Variants in SHISA9 observed in about 807,000 individuals in gnomAD.
The protein encoded by SHISA9 is protein shisa-9.
In SHISA9, 13 loss-of-function variants were observed where a neutral mutation model predicts 38.0. That is an observed-to-expected ratio of 0.34 (90% confidence interval 0.22 to 0.54). The LOEUF is 0.54. Among genes scored for constraint, SHISA9 ranks in the 20% least tolerant of loss-of-function variants. The pLI, the probability that SHISA9 is intolerant of heterozygous loss-of-function variation, is 0.91. For missense variants in SHISA9, 538 were observed against 575.8 expected (o/e 0.93, Z 0.67); for synonymous variants, 275 against 242.0 (o/e 1.14, Z -1.27).
At chr16:13,453,203 A>C in the SHISA9 span, among the ~76,000 whole-genome samples, 1 of 152,060 alleles carries the variant, frequency 6.6e-6, no homozygotes, top group African/African-American at 2.4e-5. Flanking sequence ...TAGCTTTTCT[A>C]GCATCCCCAG....
intron 2 of SHISA9, among the ~76,000 whole-genome samples, chr16:13,192,879 AAAAG>A (rs1367850361): frequency 1.3e-5 from 2 of 152,038 alleles, no homozygotes; most frequent in Non-Finnish European, 2.9e-5. Flanking sequence ...CATCTCAAAA[AAAAG>A]AGAAGAAGAA....
At chr16:13,270,671 C>G in the SHISA9 span, among the ~76,000 whole-genome samples, 15 of 152,086 alleles carry the variant, frequency 9.9e-5, no homozygotes, top group Non-Finnish European at 2.2e-4. Flanking sequence ...GCCCAATTAA[C>G]CTAGCTGAAG....
chr16:13,196,087 CAAAAAAAAAAA>C lies in SHISA9; in HGVS notation c.692-7289_692-7279del, dbSNP rs1172680715. Among the ~76,000 whole-genome samples the C allele has an allele frequency of 2.0e-3, 28 of 14,142 alleles. No homozygotes were observed. In the East Asian group the frequency reaches 0.047, roughly 24 times the overall value. The allele number at this position is 14,142 out of a possible 152,430, so 9.3% of individuals were successfully genotyped here. A position where few individuals can be genotyped will look rare whatever the true frequency, so the allele number is the denominator to read the frequency against. ...TGGGGGACAGAGCAAGACTCTCTCT[CAAAAAAAAAAA>C]AAAAAAAAAAAAAAAAAGGCCAGGT... is the stretch of plus-strand genomic sequence containing the variant. On this transcript the variant is annotated intron_variant, in intron 2 of 4. Transcript: ENST00000558583.
chr16:13,076,030 T>C (rs2073577422), intron 2 of SHISA9, among the ~76,000 whole-genome samples: 1 of 108,148 alleles, frequency 9.2e-6, no homozygotes, highest in African/African-American at 4.0e-5. Context: ...GAGAAATAGA[T>C]TTTTTTTTTT....
the SHISA9 span, among the ~76,000 whole-genome samples, chr16:13,326,700 G>A: frequency 1.3e-5 from 2 of 152,138 alleles, no homozygotes; most frequent in African/African-American, 4.8e-5. Flanking sequence ...CAGCGTGGGA[G>A]ATGAAGCAAG....
intron 2 of SHISA9, among the ~76,000 whole-genome samples, chr16:13,017,825 T>C (rs933627752): frequency 1.3e-5 from 2 of 152,222 alleles, no homozygotes; most frequent in African/African-American, 4.8e-5. Flanking sequence ...TAACTGGTGA[T>C]CTACTCAAGT....
At chr16:12,978,990 T>C (rs1032157632) in intron 2 of SHISA9, among the ~76,000 whole-genome samples, 2 of 152,236 alleles carry the variant, frequency 1.3e-5, no homozygotes, top group South Asian at 4.1e-4. Flanking sequence ...AAATGGCTCA[T>C]GATCTGTTTT....
the SHISA9 span, among the ~76,000 whole-genome samples, chr16:13,540,321 T>C: frequency 9.2e-5 from 14 of 152,210 alleles, no homozygotes; most frequent in Admixed American, 2.6e-4. Context: ...CCAAATTCAA[T>C]GCCTGAGGAC....
the SHISA9 span, among the ~76,000 whole-genome samples, chr16:13,367,650 A>AT: frequency 1.9e-4 from 7 of 36,692 alleles, no homozygotes; most frequent in East Asian, 0.014. Flanking sequence ...AGCAAGTAGG[A>AT]TGCGGGGGGG....
At chr16:13,242,130 G>A (rs1443736061), downstream of SHISA9, among the ~76,000 whole-genome samples, 2 of 152,192 alleles carry the variant, frequency 1.3e-5, no homozygotes, top group Admixed American at 1.3e-4. Flanking sequence ...TGGAGATGCT[G>A]TTCAGAGATT....
At chr16:13,072,350 C>T (rs958300289) in intron 2 of SHISA9, among the ~76,000 whole-genome samples, 6 of 152,286 alleles carry the variant, frequency 3.9e-5, no homozygotes, top group African/African-American at 1.2e-4. Context: ...GAGACATGGC[C>T]GGTGGGGCAG....
the SHISA9 span, among the ~76,000 whole-genome samples, chr16:13,286,963 G>T: frequency 3.3e-5 from 5 of 151,916 alleles, no homozygotes; most frequent in African/African-American, 7.3e-5. Context: ...ATGGAGTGTG[G>T]GTATATGATT....
chr16:13,356,220 G>C, the SHISA9 span, among the ~76,000 whole-genome samples: 1 of 152,212 alleles, frequency 6.6e-6, no homozygotes, highest in South Asian at 2.1e-4. Flanking sequence ...TTGAGGGCCG[G>C]AATTTAATTT....
chr16:13,418,538 C>T, the SHISA9 span, among the ~76,000 whole-genome samples: 12 of 152,244 alleles, frequency 7.9e-5, no homozygotes, highest in Middle Eastern at 3.4e-3. Context: ...GCTTCTCCTC[C>T]GTATGACCAC....
chr16:13,496,704 A>AT, the SHISA9 span, among the ~76,000 whole-genome samples: 1 of 152,168 alleles, frequency 6.6e-6, no homozygotes, highest in South Asian at 2.1e-4. Flanking sequence ...GTATGTCTAC[A>AT]TTTTTCCTGT....
chr16:12,940,311 G>T (rs796882184), intron 2 of SHISA9, among the ~76,000 whole-genome samples: 5 of 152,086 alleles, frequency 3.3e-5, no homozygotes, highest in African/African-American at 1.2e-4. Flanking sequence ...ATACCCCCTT[G>T]CCTTTGCTGC....
chr16:13,454,181 A>G, the SHISA9 span, among the ~76,000 whole-genome samples: 1 of 152,200 alleles, frequency 6.6e-6, no homozygotes, highest in African/African-American at 2.4e-5. Context: ...CACAATTATA[A>G]AAGGTTGACC....
the SHISA9 span, among the ~76,000 whole-genome samples, chr16:13,252,335 T>C: frequency 6.6e-6 from 1 of 152,190 alleles, no homozygotes; most frequent in Non-Finnish European, 1.5e-5. Context: ...ACTGGACACA[T>C]TTTTGGTTGT....
rs1025848059 is a variant in SHISA9 at position 13,238,646 on chromosome 16, T to C, written c.*3237T>C. 3.9e-5 allele frequency: 6 copies of C among 152,076 alleles called. No homozygotes were observed. Among genetic ancestry groups the C allele is most frequent in the African/African-American group, 1.4e-4 (6 of 41,420 alleles). The allele number at this position is 152,076 out of a possible 1,614,324, so 9.4% of individuals were successfully genotyped here. A position where few individuals can be genotyped will look rare whatever the true frequency, so the allele number is the denominator to read the frequency against. Reference sequence around the variant, plus strand: ...GGTCATTAAGATGTAGCCACAATGATGGCCCAAGAAGGACACGTACTTTCC... The same window carrying C: ...GGTCATTAAGATGTAGCCACAATGACGGCCCAAGAAGGACACGTACTTTCC... On this transcript the variant is annotated 3_prime_UTR_variant, in exon 5 of 5. Transcript: ENST00000558583.
Sources: allele counts gnomAD v4.1 joint callset (sites outside exome capture counted in the v4.1 genomes callset), GRCh38; gene constraint gnomAD v4.1.1; transcripts MANE v1.5; gene names NCBI Gene and HGNC (gene_info 2026-07-23, HGNC 2026-07-21).